Variants in CCDC92 observed in about 807,000 individuals in gnomAD.
CCDC92 encodes coiled-coil domain containing 92.
A neutral mutation model predicts 24.9 loss-of-function variants in CCDC92; 12 were observed. The ratio of observed to expected loss-of-function variants is 0.48; its 90% CI spans 0.31 to 0.78. The LOEUF is 0.78. CCDC92 is among the 30% of genes least tolerant of loss of function. The pLI, the probability that CCDC92 is intolerant of heterozygous loss-of-function variation, is 0.05. For synonymous variants in CCDC92, 193 were observed against 196.3 expected (o/e 0.98, Z 0.14); for missense variants, 399 against 439.4 (o/e 0.91, Z 0.82).
intron 1 of CCDC92, chr12:123,944,853 G>A (rs1398355558): frequency 6.6e-6 from 1 of 151,426 alleles, no homozygotes; most frequent in Non-Finnish European, 1.5e-5. Context: ...TTTCAGTTGG[G>A]GACAAAAACT....
At chr12:123,958,146 C>A (rs1195278051) in intron 1 of CCDC92, among the ~76,000 whole-genome samples, 1 of 152,178 alleles carries the variant, frequency 6.6e-6, no homozygotes, top group African/African-American at 2.4e-5. Context: ...CTCTGCCTCT[C>A]GAGTTCAAGC....
chr12:123,943,706 C>T (rs1015714501), intron 2 of CCDC92: 11 of 604,616 alleles, frequency 1.8e-5, no homozygotes, highest in Admixed American at 8.8e-5. Context: ...GCTTCCCGAA[C>T]GCCTTGGGGT....
At chr12:123,952,228 T>C (rs1200893566) in intron 1 of CCDC92, among the ~76,000 whole-genome samples, 1 of 152,240 alleles carries the variant, frequency 6.6e-6, no homozygotes, top group African/African-American at 2.4e-5. Flanking sequence ...CTTAGCCAAC[T>C]AGGGCATTTC....
chr12:123,941,356 C>T lies in CCDC92; in HGVS notation c.223+1388G>A, dbSNP rs116151135. ...TTCCACCACCCCAAGAAGCCCACGGCGCCTTCCCTACCACACGCAGACAAA... is the reference window on the plus strand; with the variant it reads ...TTCCACCACCCCAAGAAGCCCACGGTGCCTTCCCTACCACACGCAGACAAA... On this transcript the variant is annotated intron_variant, in intron 4 of 4. Coordinates refer to ENST00000238156, the MANE Select transcript of CCDC92 (RefSeq NM_025140.3). Among the ~76,000 whole-genome samples, 1,008 of 152,296 alleles carry T rather than the reference C, an allele frequency of 6.6e-3. 6 individuals are homozygous for T. The highest frequency in any genetic ancestry group is 0.023 in the African/African-American group (935 of 41,554).
At chr12:123,956,263 T>C (rs1956148195) in intron 1 of CCDC92, 2 of 152,364 alleles carry the variant, frequency 1.3e-5, no homozygotes, top group African/African-American at 2.4e-5. Flanking sequence ...GATAAACTTA[T>C]ATTTTTAAGA....
At chr12:123,952,460 G>A (rs1363295316) in intron 1 of CCDC92, among the ~76,000 whole-genome samples, 1 of 152,188 alleles carries the variant, frequency 6.6e-6, no homozygotes. Flanking sequence ...AGTACTTCAC[G>A]AGGCTAAAAA....
chr12:123,967,017 T>C (rs1956407875), intron 1 of CCDC92, among the ~76,000 whole-genome samples: 2 of 152,198 alleles, frequency 1.3e-5, no homozygotes, highest in African/African-American at 4.8e-5. Flanking sequence ...TGGTTTGGCT[T>C]TGTTCACCTC....
chr12:123,965,519 C>T (rs1045461806), intron 1 of CCDC92, among the ~76,000 whole-genome samples: 10 of 152,210 alleles, frequency 6.6e-5, no homozygotes, highest in Non-Finnish European at 1.2e-4. Flanking sequence ...ACATTTCTCA[C>T]GGCCCTCATG....
chr12:123,964,870 T>C (rs1269326849), intron 1 of CCDC92, among the ~76,000 whole-genome samples: 1 of 152,242 alleles, frequency 6.6e-6, no homozygotes, highest in African/African-American at 2.4e-5. Flanking sequence ...TAAATAACAA[T>C]TGCATTATTT....
At chr12:123,944,163 C>T in intron 2 of CCDC92, 109 bp downstream of exon 2, 1 of 758,908 alleles carries the variant, frequency 1.3e-6, no homozygotes, top group Non-Finnish European at 2.4e-6. Flanking sequence ...GAGAACGTAT[C>T]TCATGGGGCC....
intron 1 of CCDC92, chr12:123,971,640 A>G (rs1344611513): frequency 1.3e-5 from 2 of 152,254 alleles, no homozygotes; most frequent in Non-Finnish European, 2.9e-5. Flanking sequence ...TCTCTCTGGC[A>G]GCCTAATTTT....
Position 123,937,449 on chromosome 12 carries a change from G to A in CCDC92, c.605C>T (p.Pro202Leu). 5.6e-6 allele frequency: 9 copies of A among 1,613,612 alleles called. No homozygotes were observed. The highest frequency in any genetic ancestry group is 1.1e-5 in the South Asian group (1 of 91,070). Residue 202 changes from proline (P) to leucine (L), a missense_variant, in exon 5 of 5, where the codon CCT (proline) becomes CTT (leucine). By Grantham distance (98) the Pro-to-Leu change is moderately conservative (BLOSUM62 -3). Transcript: ENST00000238156. The surrounding 1 kb of genome is among the most constrained non-coding windows in gnomAD (Gnocchi z 8.4). The stretch of plus-strand genomic sequence containing the variant: ...GAGGCTCTTTTTCATGCGGCGGCGA[G>A]GCGTTTCGGGTAGCTTGTCTTTGGG... The part of the protein sequence containing the change: ...APPKDKLPET[P>L]RRRMKKSLSA...
chr12:123,948,813 CAA>C (rs1364247994), intron 1 of CCDC92, among the ~76,000 whole-genome samples: 1 of 152,186 alleles, frequency 6.6e-6, no homozygotes, highest in Non-Finnish European at 1.5e-5. Context: ...AAAAGAGTAA[CAA>C]TATCACTGGC....
intron 3 of CCDC92, 151 bp from the exon 4 acceptor site, chr12:123,942,936 A>G: frequency 1.4e-6 from 1 of 691,980 alleles, no homozygotes. Context: ...GCATGAGAGC[A>G]GCAGAAAACA....
At chr12:123,956,363 G>A (rs1040252418) in intron 1 of CCDC92, 1 of 152,094 alleles carries the variant, frequency 6.6e-6, no homozygotes, top group African/African-American at 2.4e-5. Flanking sequence ...AAGGGTGTTT[G>A]ACCTCTGACT....
At chr12:123,945,437 G>A (rs1284401693) in intron 1 of CCDC92, 1 of 152,260 alleles carries the variant, frequency 6.6e-6, no homozygotes. Flanking sequence ...GGTCTTGGGG[G>A]GCGCTGACCT....
intron 1 of CCDC92, among the ~76,000 whole-genome samples, chr12:123,951,757 G>A (rs560224584): frequency 1.4e-4 from 22 of 152,298 alleles, no homozygotes; most frequent in African/African-American, 2.6e-4. Flanking sequence ...TAGCTTAAGC[G>A]TTGCCATCAA....
Position 123,937,397 on chromosome 12 carries a change from T to C in CCDC92, c.657A>G (p.Glu219=). 6.2e-7 allele frequency: 1 copy of C among 1,613,942 alleles called. No individual in the cohort carries two copies. Among genetic ancestry groups the C allele is most frequent in the Admixed American group, 1.7e-5 (1 of 60,024 alleles). ...TCTCTGCCCCGAATCTGTAGACCTC[T>C]TCAAATTCCGGGTGCAAGGGGGCTG... The part of the protein sequence containing the change: ...SLSAPLHPEF[E]EVYRFGAESR... The change falls in exon 5 of 5, where the codon GAA becomes GAG. Residue 219 remains glutamate, a synonymous_variant. Transcript: ENST00000238156. The surrounding 1 kb of genome is among the most constrained non-coding windows in gnomAD (Gnocchi z 8.4).
At position 123,937,820 on chromosome 12, in the gene CCDC92, A is replaced by AGT. The variant is rs1955568073; in HGVS notation, c.232_233dup (p.Ser79LeufsTer7). 1 of 1,607,020 alleles carries AGT rather than the reference A, an allele frequency of 6.2e-7. No individual in the cohort carries two copies. Among genetic ancestry groups the AGT allele is most frequent in the African/African-American group, 1.3e-5 (1 of 74,600 alleles). Reference sequence around the variant, plus strand: ...TTTTCTTTAATTCACTGCTTTTAGAAGTCCCGTCTCCTACAAGAATAAGCC... The same window carrying AGT: ...TTTTCTTTAATTCACTGCTTTTAGAAGTGTCCCGTCTCCTACAAGAATAAGCC... On this transcript the variant is annotated frameshift_variant, in exon 5 of 5. Transcript: ENST00000238156. LOFTEE classifies it high-confidence loss of function. The surrounding 1 kb of genome is among the most constrained non-coding windows in gnomAD (Gnocchi z 8.4).
Sources: allele counts gnomAD v4.1 joint callset (sites outside exome capture counted in the v4.1 genomes callset), GRCh38; gene constraint gnomAD v4.1.1; non-coding constraint Gnocchi (gnomAD v3.1); transcripts MANE v1.5; gene names NCBI Gene and HGNC (gene_info 2026-07-23, HGNC 2026-07-21).